SDK1: variants seen among roughly 807,000 people sequenced by gnomAD.
SDK1 encodes protein sidekick-1.
Under a neutral mutation model 245.5 loss-of-function variants are expected in SDK1, and 157 were observed. That is an observed-to-expected ratio of 0.64 (90% CI 0.56 to 0.73). The LOEUF is 0.73. SDK1 is among the 30% of genes least tolerant of loss of function. The probability of loss-of-function intolerance (pLI) is 0.00; values close to 1 mark genes in which losing one functional copy is unlikely to be tolerated. For synonymous variants in SDK1, 1,647 were observed against 1,278.5 expected (o/e 1.29, Z -6.15); for missense variants, 3,583 against 3,002.3 (o/e 1.19, Z -4.52).
At chr7:3,682,923 G>T (rs556516807) in intron 4 of SDK1, among the ~76,000 whole-genome samples, 2 of 151,980 alleles carry the variant, frequency 1.3e-5, no homozygotes, top group African/African-American at 4.8e-5. Flanking sequence ...TAGTAGAGAC[G>T]GGGTTTCACC....
chr7:4,129,393 T>G (rs962510678), intron 26 of SDK1, among the ~76,000 whole-genome samples: 4 of 145,218 alleles, frequency 2.8e-5, no homozygotes, highest in African/African-American at 8.0e-5. Context: ...CAGCTTGGGG[T>G]GGGGTGCCCT....
At chr7:4,176,026 T>G (rs752708151) in intron 34 of SDK1, among the ~76,000 whole-genome samples, 192 bp downstream of exon 34, 12 of 152,092 alleles carry the variant, frequency 7.9e-5, no homozygotes, top group Non-Finnish European at 1.8e-4. Context: ...AAACAGAGGC[T>G]GGGGAAATTT....
At chr7:3,829,568 T>C (rs1779863238) in intron 5 of SDK1, among the ~76,000 whole-genome samples, 1 of 152,110 alleles carries the variant, frequency 6.6e-6, no homozygotes, top group African/African-American at 2.4e-5. Context: ...TTTGTCCCCC[T>C]CCCAAAACCC....
intron 1 of SDK1, among the ~76,000 whole-genome samples, chr7:3,535,948 T>G (rs1189001693): frequency 6.6e-6 from 1 of 152,200 alleles, no homozygotes; most frequent in Non-Finnish European, 1.5e-5. Flanking sequence ...TTATTACTAG[T>G]CAATATCTAG....
chr7:3,982,452 G>C (rs1194996789), intron 13 of SDK1, among the ~76,000 whole-genome samples: 1 of 152,176 alleles, frequency 6.6e-6, no homozygotes, highest in African/African-American at 2.4e-5. Flanking sequence ...TATTTCATAA[G>C]ACTATAGTTG....
chr7:3,838,201 T>C (rs1296651406), intron 5 of SDK1, among the ~76,000 whole-genome samples: 2 of 152,238 alleles, frequency 1.3e-5, no homozygotes, highest in African/African-American at 4.8e-5. Flanking sequence ...TGCATGGCTG[T>C]ACACAGCAAT....
intron 28 of SDK1, among the ~76,000 whole-genome samples, chr7:4,144,714 C>T (rs886538743): frequency 2.1e-4 from 32 of 152,104 alleles, no homozygotes; most frequent in African/African-American, 2.2e-4. Flanking sequence ...GGGCAAGCAG[C>T]GTGGGGTCGC....
chr7:3,765,545 A>G (rs576077051), intron 4 of SDK1, among the ~76,000 whole-genome samples: 3 of 152,170 alleles, frequency 2.0e-5, no homozygotes, highest in East Asian at 3.8e-4. Context: ...TGTAGTGTCC[A>G]CCTGTATCTG....
chr7:4,091,334 C>CTTTTCTCTTT (rs1259034611), intron 22 of SDK1, among the ~76,000 whole-genome samples: 1 of 108,260 alleles, frequency 9.2e-6, no homozygotes, highest in Non-Finnish European at 1.8e-5. Context: ...CTTTTCTTTT[C>CTTTTCTCTTT]TTTTTTTTTT....
In SDK1 at chr7:4,177,980, C is replaced by T. The variant is rs147279052; in HGVS notation, c.4997-505C>T. 1.6e-3 allele frequency among the ~76,000 whole-genome samples: 249 copies of T among 152,250 alleles called. 3 individuals carry two copies. In the East Asian group the frequency reaches 0.024, roughly 14 times the overall value. On this transcript the variant is annotated intron_variant, in intron 34 of 44. Transcript: ENST00000404826. ...CAGGTTGTGCAAGGCATAAGGAGCA[C>T]GCAACCTAGATCCCTCGCACGCGCA... is the stretch of plus-strand genomic sequence containing the variant.
chr7:4,106,648 C>T (rs997379832), intron 22 of SDK1, among the ~76,000 whole-genome samples: 5 of 152,196 alleles, frequency 3.3e-5, no homozygotes, highest in Non-Finnish European at 5.9e-5. Context: ...CAGAGGGAGC[C>T]GCACGCCCGG....
At chr7:4,019,438 A>G (rs1381389533) in intron 17 of SDK1, among the ~76,000 whole-genome samples, 3 of 152,154 alleles carry the variant, frequency 2.0e-5, no homozygotes, top group African/African-American at 4.8e-5. Flanking sequence ...GCTGGGGTGC[A>G]GGGTTCCCCT....
intron 4 of SDK1, among the ~76,000 whole-genome samples, chr7:3,766,228 A>T (rs1041786630): frequency 3.3e-5 from 5 of 152,190 alleles, no homozygotes; most frequent in African/African-American, 1.2e-4. Context: ...GCATTAGTTA[A>T]TATTAAATAA....
chr7:3,954,838 C>T (rs1023563882), intron 7 of SDK1, among the ~76,000 whole-genome samples: 17 of 151,772 alleles, frequency 1.1e-4, no homozygotes, highest in Admixed American at 1.1e-3. Flanking sequence ...TTGCTGTTGG[C>T]ATAACTCTAT....
At chr7:4,064,380 T>C (rs1779737728) in intron 19 of SDK1, among the ~76,000 whole-genome samples, 1 of 152,194 alleles carries the variant, frequency 6.6e-6, no homozygotes, top group Admixed American at 6.6e-5. Context: ...GGTACCATTT[T>C]ATCCCAGTCA....
At chr7:3,987,983 G>A (rs1438752213) in intron 14 of SDK1, among the ~76,000 whole-genome samples, 1 of 152,036 alleles carries the variant, frequency 6.6e-6, no homozygotes, top group Non-Finnish European at 1.5e-5. Flanking sequence ...GTGATTTTAA[G>A]TGGCATATTT....
At chr7:3,954,550 C>T (rs1436335847) in intron 7 of SDK1, among the ~76,000 whole-genome samples, 1 of 42,754 alleles carries the variant, frequency 2.3e-5, no homozygotes, top group Non-Finnish European at 4.3e-5. Flanking sequence ...TTTACAACCT[C>T]CCCTCAACAC....
intron 14 of SDK1, among the ~76,000 whole-genome samples, chr7:3,989,357 G>A (rs1166060325): frequency 6.6e-6 from 1 of 152,146 alleles, no homozygotes; most frequent in African/African-American, 2.4e-5. Context: ...GGAGAGACCT[G>A]CCCCCATGAT....
intron 4 of SDK1, among the ~76,000 whole-genome samples, chr7:3,654,761 C>G (rs1051473219): frequency 2.6e-5 from 4 of 152,132 alleles, no homozygotes; most frequent in Admixed American, 6.5e-5. Flanking sequence ...TGGTTCCATT[C>G]GAGTTGGCCA....
Sources: allele counts gnomAD v4.1 joint callset (sites outside exome capture counted in the v4.1 genomes callset), GRCh38; gene constraint gnomAD v4.1.1; transcripts MANE v1.5; gene names NCBI Gene and HGNC (gene_info 2026-07-23, HGNC 2026-07-21).